COL22A1: variants seen among roughly 807,000 people sequenced by gnomAD.
COL22A1 encodes collagen alpha-1(XXII) chain.
Under a neutral mutation model 248.9 loss-of-function variants are expected in COL22A1, and 221 were observed. The observed-to-expected ratio is 0.89, with a 90% CI of 0.80 to 0.99. COL22A1 has a LOEUF of 0.99. Ranked by LOEUF, COL22A1 falls within the 50% of genes least tolerant of loss-of-function variation. The probability of loss-of-function intolerance (pLI) is 0.00; values close to 1 mark genes in which losing one functional copy is unlikely to be tolerated. For synonymous variants in COL22A1, 891 were observed against 793.4 expected (o/e 1.12, Z -2.07); for missense variants, 2,240 against 2,179.0 (o/e 1.03, Z -0.56).
intron 64 of COL22A1, among the ~76,000 whole-genome samples, chr8:138,591,078 A>G (rs1171719311): frequency 6.6e-6 from 1 of 152,236 alleles, no homozygotes; most frequent in Non-Finnish European, 1.5e-5. Context: ...AGCACTTACA[A>G]TAGTGAATGT....
intron 12 of COL22A1, among the ~76,000 whole-genome samples, chr8:138,789,309 T>A (rs1293265912): frequency 6.6e-6 from 1 of 152,228 alleles, no homozygotes; most frequent in African/African-American, 2.4e-5. Flanking sequence ...TGAGGGCACA[T>A]AAGCAGCTAA....
At chr8:138,885,016 G>A (rs199806278) in intron 1 of COL22A1, among the ~76,000 whole-genome samples, 16 of 150,890 alleles carry the variant, frequency 1.1e-4, no homozygotes, top group African/African-American at 2.9e-4. Context: ...GTGTGTGCAC[G>A]CACACACACA....
At chr8:138,804,407 G>T (rs1251572689) in intron 10 of COL22A1, among the ~76,000 whole-genome samples, 1 of 152,194 alleles carries the variant, frequency 6.6e-6, no homozygotes, top group Non-Finnish European at 1.5e-5. Context: ...CACCATTTCT[G>T]CTCTCCTTGT....
chr8:138,904,182 C>T (rs1814824193), intron 1 of COL22A1, among the ~76,000 whole-genome samples: 1 of 152,104 alleles, frequency 6.6e-6, no homozygotes, highest in South Asian at 2.1e-4. Context: ...ACGGGGAGTC[C>T]CTGCTTCTTA....
Position 138,877,954 on chromosome 8 carries a change from C to T in COL22A1, c.454G>A (p.Gly152Ser). 5 of 1,595,148 alleles carry T rather than the reference C, an allele frequency of 3.1e-6. No individual in the cohort carries two copies. The highest frequency in any genetic ancestry group is 2.3e-5 in the East Asian group (1 of 43,830). ...YKQVAILLTD[G>S]RSQDLVLDAA... is the part of the protein sequence containing the mutation. ...TCCAGCACCAGGTCCTGGCTGCGGC[C>T]GTCGGTGAGCAGGATGGCCACCTGC... Residue 152 changes from glycine (G) to serine (S), a missense_variant, in exon 3 of 65, where the codon GGC (glycine) becomes AGC (serine). Coordinates refer to ENST00000303045, the MANE Select transcript of COL22A1 (RefSeq NM_152888.3).
intron 16 of COL22A1, among the ~76,000 whole-genome samples, chr8:138,768,859 C>T (rs1294858751): frequency 1.3e-5 from 2 of 152,070 alleles, no homozygotes; most frequent in Admixed American, 1.3e-4. Flanking sequence ...ATTGCTTGAA[C>T]CCAGGAGGCA....
intron 18 of COL22A1, among the ~76,000 whole-genome samples, chr8:138,757,223 G>T (rs528328167): frequency 1.3e-5 from 2 of 152,244 alleles, no homozygotes; most frequent in East Asian, 3.9e-4. Flanking sequence ...TCTCCAAACA[G>T]AGTCAGATTT....
intron 15 of COL22A1, 121 bp from the exon 16 acceptor site, chr8:138,776,131 T>C (rs1814435639): frequency 2.2e-6 from 2 of 913,814 alleles, no homozygotes; most frequent in East Asian, 4.8e-5. Flanking sequence ...GGGATGGTGA[T>C]AGTGAGGACC....
intron 5 of COL22A1, among the ~76,000 whole-genome samples, chr8:138,829,088 T>A (rs1819820814): frequency 6.6e-6 from 1 of 152,234 alleles, no homozygotes; most frequent in Non-Finnish European, 1.5e-5. Flanking sequence ...GGACTTTGTT[T>A]GGCTGTAGGA....
chr8:138,703,630 C>G (rs943700513), intron 30 of COL22A1, among the ~76,000 whole-genome samples: 1 of 152,168 alleles, frequency 6.6e-6, no homozygotes, highest in African/African-American at 2.4e-5. Context: ...ATATACTATT[C>G]TATTGTGTAA....
At chr8:138,736,778 A>G (rs1287296316) in intron 23 of COL22A1, among the ~76,000 whole-genome samples, 2 of 152,162 alleles carry the variant, frequency 1.3e-5, no homozygotes, top group East Asian at 1.9e-4. Flanking sequence ...GAGCGAGAAC[A>G]GCACCTGCCT....
At chr8:138,661,855 C>T (rs1295743108) in intron 43 of COL22A1, among the ~76,000 whole-genome samples, 175 bp downstream of exon 43, 1 of 152,126 alleles carries the variant, frequency 6.6e-6, no homozygotes, top group African/African-American at 2.4e-5. Flanking sequence ...AAATTATGAA[C>T]CACACTCAAC....
intron 16 of COL22A1, among the ~76,000 whole-genome samples, chr8:138,773,647 G>A (rs1265023246): frequency 1.3e-5 from 2 of 152,230 alleles, no homozygotes; most frequent in African/African-American, 4.8e-5. Flanking sequence ...CCATGTGTTG[G>A]CAGGTGTTGC....
intron 4 of COL22A1, among the ~76,000 whole-genome samples, chr8:138,843,690 A>G (rs1821042140): frequency 6.6e-6 from 1 of 152,116 alleles, no homozygotes; most frequent in African/African-American, 2.4e-5. Flanking sequence ...TCTCTCACCC[A>G]TTGATTCACT....
At chr8:138,755,732 C>T in intron 19 of COL22A1, 53 bp downstream of exon 19, 1 of 1,582,918 alleles carries the variant, frequency 6.3e-7, no homozygotes, top group Non-Finnish European at 8.7e-7. Context: ...ACTCATCCAA[C>T]CACCCAATCC....
intron 5 of COL22A1, among the ~76,000 whole-genome samples, chr8:138,829,938 A>ATG (rs1247955811): frequency 1.3e-5 from 2 of 152,170 alleles, no homozygotes; most frequent in Non-Finnish European, 2.9e-5. Context: ...GTATATGTGC[A>ATG]TGTGTGTGTA....
intron 41 of COL22A1, among the ~76,000 whole-genome samples, chr8:138,666,484 A>G (rs555132936): frequency 1.2e-4 from 18 of 152,354 alleles, no homozygotes; most frequent in African/African-American, 4.1e-4. Flanking sequence ...GGCTAAGGAG[A>G]AGCAGAAAAA....
At position 138,646,637 on chromosome 8, in the gene COL22A1, C is replaced by A; in HGVS notation, c.3493G>T (p.Gly1165Ter). 6.3e-7 allele frequency: 1 copy of A among 1,583,414 alleles called. No homozygotes were observed. Among genetic ancestry groups the A allele is most frequent in the South Asian group, 1.2e-5 (1 of 85,564 alleles). ...TATGAAGTCTCACTGACCTGTGGTC[C>A]AGCTATTCCTGGGGGCCCTGGTAGG... ...PGLPGPPGIA[G>*]PQGSQGERGA... The change falls in exon 47 of 65, where the codon GGA (glycine) becomes TGA (stop). Residue 1165 changes from glycine (G) to a stop codon, truncating the protein, a stop_gained. Coordinates refer to ENST00000303045, the MANE Select transcript of COL22A1 (RefSeq NM_152888.3). LOFTEE classifies it high-confidence loss of function.
intron 48 of COL22A1, among the ~76,000 whole-genome samples, chr8:138,635,885 G>A (rs146731054): frequency 6.6e-6 from 1 of 152,164 alleles, no homozygotes; most frequent in Non-Finnish European, 1.5e-5. Context: ...TCATCTCACT[G>A]CCTGTGGGTT....
Sources: gnomAD v4.1 joint callset for allele counts (sites outside exome capture counted in the v4.1 genomes callset) on GRCh38, gnomAD v4.1.1 for gene constraint, MANE v1.5 for transcripts, NCBI Gene and HGNC (gene_info 2026-07-23, HGNC 2026-07-21) for gene names.